The following CFAP54 variants were observed in gnomAD, a reference collection of about 807,000 sequenced individuals.
The protein encoded by CFAP54 is cilia and flagella associated protein 54.
CFAP54 carries 290 observed loss-of-function variants against 370.4 expected under a neutral mutation model. That is an observed-to-expected ratio of 0.78 (90% CI 0.71 to 0.86). The LOEUF (loss-of-function observed/expected upper bound fraction) is 0.86. Among genes scored for constraint, CFAP54 ranks in the 40% least tolerant of loss-of-function variants. CFAP54 has a pLI of 0.00. For missense variants in CFAP54, 3,399 were observed against 3,528.7 expected (o/e 0.96, Z 0.93); for synonymous variants, 1,206 against 1,236.5 (o/e 0.98, Z 0.52).
intron 45 of CFAP54, among the ~76,000 whole-genome samples, chr12:96,696,451 A>G (rs1221235054): frequency 6.6e-6 from 1 of 152,200 alleles, no homozygotes; most frequent in African/African-American, 2.4e-5. Flanking sequence ...GAGGGGCACC[A>G]AAGGACATAA....
At chr12:96,763,782 A>T (rs1361859915) in intron 58 of CFAP54, among the ~76,000 whole-genome samples, 2 of 152,202 alleles carry the variant, frequency 1.3e-5, no homozygotes, top group Admixed American at 1.3e-4. Flanking sequence ...ATGTCTCAAA[A>T]ATGTATATAT....
chr12:96,644,316 C>T lies in CFAP54; in HGVS notation c.4455C>T (p.Asn1485=), dbSNP rs1232711958. 6.5e-7 allele frequency: 1 copy of T among 1,535,916 alleles called. No homozygotes were observed. The change falls in exon 33 of 68, where the codon AAC becomes AAT. Residue 1485 remains asparagine (N), a synonymous_variant. Transcript: ENST00000524981. ...AGATGCCCTGGAGAGCTCAGATGAA[C>T]CTGTATCTAGCAGGTGCACACTTTA... ...LEEMPWRAQM[N]LYLAGAHFNL...
chr12:96,797,813 A>G (rs1958781569), intron 63 of CFAP54, among the ~76,000 whole-genome samples: 1 of 152,016 alleles, frequency 6.6e-6, no homozygotes, highest in Admixed American at 6.6e-5. Context: ...TTGTCTAACA[A>G]TATTACCTTC....
intron 40 of CFAP54, among the ~76,000 whole-genome samples, chr12:96,684,087 T>C (rs993103443): frequency 6.6e-5 from 10 of 152,170 alleles, no homozygotes; most frequent in Non-Finnish European, 1.3e-4. Context: ...CTACCTTGCC[T>C]GTCCAATTAT....
intron 55 of CFAP54, among the ~76,000 whole-genome samples, chr12:96,752,783 C>CAAAAA (rs2136655823): frequency 6.6e-6 from 1 of 152,280 alleles, no homozygotes; most frequent in South Asian, 2.1e-4. Context: ...TTAAACAAAA[C>CAAAAA]ACTAGGCTTC....
intron 14 of CFAP54, among the ~76,000 whole-genome samples, chr12:96,544,306 G>T (rs1955613389): frequency 6.6e-6 from 1 of 152,084 alleles, no homozygotes; most frequent in Non-Finnish European, 1.5e-5. Context: ...CTTGGTTCAT[G>T]AAGTAGCTTC....
chr12:96,603,746 T>C (rs1487864544), intron 26 of CFAP54, among the ~76,000 whole-genome samples: 1 of 152,224 alleles, frequency 6.6e-6, no homozygotes, highest in Non-Finnish European at 1.5e-5. Context: ...CTTGATCGAA[T>C]CGGCTACTGA....
intron 45 of CFAP54, among the ~76,000 whole-genome samples, chr12:96,699,018 G>A (rs1957464150): frequency 6.6e-6 from 1 of 152,138 alleles, no homozygotes; most frequent in African/African-American, 2.4e-5. Context: ...TCATGTAAAT[G>A]AAGTGGTAGC....
chr12:96,760,444 C>G (rs1276397560), intron 58 of CFAP54, among the ~76,000 whole-genome samples: 4 of 152,178 alleles, frequency 2.6e-5, no homozygotes, highest in Non-Finnish European at 5.9e-5. Flanking sequence ...CAATCCTGTT[C>G]CCACCCCTAG....
chr12:96,655,880 T>A (rs1956916809), intron 36 of CFAP54, among the ~76,000 whole-genome samples: 1 of 152,178 alleles, frequency 6.6e-6, no homozygotes, highest in Non-Finnish European at 1.5e-5. Context: ...TTCTTTTTTT[T>A]AGGTAGGATT....
chr12:96,784,786 C>G lies in CFAP54; in HGVS notation c.8351C>G (p.Ala2784Gly). Residue 2784 changes from alanine (A) to glycine (G), a missense_variant, in exon 61 of 68, where the codon GCA becomes GGA. Ala to Gly is a moderately conservative substitution (Grantham distance 60). Coordinates refer to ENST00000524981, the MANE Select transcript of CFAP54 (RefSeq NM_001306084.2). ...CAAAATGATGATGTGTGTGACAGCGCAGATGGTAGAAAAAAGACTCAGACC... is the reference window on the plus strand; with the variant it reads ...CAAAATGATGATGTGTGTGACAGCGGAGATGGTAGAAAAAAGACTCAGACC... ...LYQNDDVCDS[A>G]DGRKKTQTKV... 2 of 1,534,824 alleles carry G rather than the reference C, an allele frequency of 1.3e-6. No homozygotes were observed. The highest frequency in any genetic ancestry group is 1.7e-6 in the Non-Finnish European group (2 of 1,146,096).
chr12:96,579,676 T>C (rs1044309581), intron 20 of CFAP54, among the ~76,000 whole-genome samples: 8 of 152,048 alleles, frequency 5.3e-5, no homozygotes, highest in Non-Finnish European at 1.2e-4. Context: ...CCCTCAGCAG[T>C]ATGGCTTGTT....
At chr12:96,587,544 A>G (rs1956085343) in intron 22 of CFAP54, among the ~76,000 whole-genome samples, 1 of 152,164 alleles carries the variant, frequency 6.6e-6, no homozygotes. Context: ...ATTTTTGAAC[A>G]TGCTTATATC....
At chr12:96,806,811 T>G (rs1199474539) in intron 63 of CFAP54, among the ~76,000 whole-genome samples, 1 of 151,972 alleles carries the variant, frequency 6.6e-6, no homozygotes, top group East Asian at 1.9e-4. Flanking sequence ...TTCAGGGAGC[T>G]TGGGAAGGCA....
Position 96,580,944 on chromosome 12 carries a change from T to C in CFAP54, c.2914T>C (p.Phe972Leu). 6.6e-7 allele frequency: 1 copy of C among 1,519,176 alleles called. No individual in the cohort carries two copies. The highest frequency in any genetic ancestry group is 1.4e-5 in the African/African-American group (1 of 72,230). 94.1% of individuals were successfully genotyped at this position (1,519,176 alleles called of 1,614,324 possible). The change falls in exon 22 of 68, where the codon TTT becomes CTT. Residue 972 changes from phenylalanine to leucine, a missense_variant. Physicochemically the swap from Phe to Leu is conservative, Grantham distance 22 (BLOSUM62 0). Coordinates refer to ENST00000524981, the MANE Select transcript of CFAP54 (RefSeq NM_001306084.2). ...EAIPADGKSVFEVKGLETNEK... is the reference protein window; with the variant it reads ...EAIPADGKSVLEVKGLETNEK... ...GATACCAGCTGACGGTAAAAGTGTT[T>C]TTGAAGTGAAAGGTTTAGAAACCAA...
At chr12:96,704,296 G>A (rs1037625868) in intron 46 of CFAP54, among the ~76,000 whole-genome samples, 18 of 150,678 alleles carry the variant, frequency 1.2e-4, no homozygotes, top group Non-Finnish European at 2.1e-4. Flanking sequence ...ACGTGGTGGC[G>A]GGCACCTGTA....
chr12:96,780,239 G>A (rs1187746824), intron 60 of CFAP54, among the ~76,000 whole-genome samples: 1 of 152,034 alleles, frequency 6.6e-6, no homozygotes, highest in Non-Finnish European at 1.5e-5. Flanking sequence ...TTTGTGTTCA[G>A]TTTTAGAAAT....
At chr12:96,495,350 C>A in intron 1 of CFAP54, among the ~76,000 whole-genome samples, 1 of 151,208 alleles carries the variant, frequency 6.6e-6, no homozygotes, top group Non-Finnish European at 1.5e-5. Context: ...TTCTGTCGCC[C>A]AGGCTGGAGT....
intron 50 of CFAP54, among the ~76,000 whole-genome samples, chr12:96,724,361 T>C (rs1005376768): frequency 9.1e-4 from 138 of 151,784 alleles, no homozygotes; most frequent in Non-Finnish European, 1.2e-3. Flanking sequence ...TTTTAATGAT[T>C]GCCATTCTAA....
Sources: gnomAD v4.1 joint callset for allele counts (sites outside exome capture counted in the v4.1 genomes callset) on GRCh38, gnomAD v4.1.1 for gene constraint, MANE v1.5 for transcripts, NCBI Gene and HGNC (gene_info 2026-07-23, HGNC 2026-07-21) for gene names.